RHBG: variants seen among roughly 807,000 people sequenced by gnomAD.
The protein encoded by RHBG is ammonium transporter Rh type B.
Under a neutral mutation model 40.1 loss-of-function variants are expected in RHBG, and 39 were observed. The ratio of observed to expected loss-of-function variants is 0.97; its 90% CI spans 0.75 to 1.27. RHBG has a LOEUF of 1.27. Among genes scored for constraint, RHBG ranks in the 50% most tolerant of loss-of-function variants. RHBG has a pLI of 0.00. For missense variants in RHBG, 549 were observed against 588.1 expected, an observed-to-expected ratio of 0.93 and a Z score of 0.69; for synonymous variants, 237 against 252.5, an observed-to-expected ratio of 0.94 and a Z score of 0.58.
At chr1:156,384,462 G>A (rs1461736910) in intron 8 of RHBG, 65 bp from the exon 9 acceptor site, 2 of 1,481,134 alleles carry the variant, frequency 1.4e-6, no homozygotes, top group African/African-American at 1.4e-5. Context: ...CTGTGGCACT[G>A]GGTGGCACCC....
chr1:156,381,259 G>C, intron 4 of RHBG, 88 bp from the exon 5 acceptor site: 1 of 1,337,372 alleles, frequency 7.5e-7, no homozygotes, highest in Non-Finnish European at 1.1e-6. Context: ...GCTGCTGAGG[G>C]TAGGTGATTT....
chr1:156,384,725 C>T, intron 9 of RHBG, 52 bp from the exon 10 acceptor site: 2 of 1,590,694 alleles, frequency 1.3e-6, no homozygotes, highest in Non-Finnish European at 1.7e-6. Flanking sequence ...TGAACTGTGG[C>T]TTCCAGGCTC....
intron 4 of RHBG, among the ~76,000 whole-genome samples, chr1:156,380,909 A>G (rs1667579149): frequency 6.6e-6 from 1 of 151,644 alleles, no homozygotes; most frequent in African/African-American, 2.4e-5. Flanking sequence ...TATTATTATT[A>G]TTATTATTGA....
chr1:156,374,560 C>T (rs759332352), intron 1 of RHBG: 77 of 440,844 alleles, frequency 1.7e-4, no homozygotes, highest in Middle Eastern at 7.1e-4. Context: ...CCAGTTCCAT[C>T]CATGTTGCCA....
In RHBG at chr1:156,382,771, T is replaced by C. The variant is rs769518777; in HGVS notation, c.1136T>C (p.Ile379Thr). The change falls in exon 8 of 10, where the codon ATA becomes ACA. Residue 379 changes from isoleucine (I) to threonine (T), a missense_variant. Physicochemically the swap from Ile to Thr is moderately conservative, Grantham distance 89 (BLOSUM62 -1). This residue lies in a region of RHBG where 399 missense variants were observed against 417.0 expected (regional missense o/e 0.96). Coordinates refer to ENST00000537040, the MANE Select transcript of RHBG (RefSeq NM_020407.5). ...GDGLESVFPL[I>T]AEGQRSATSQ... ...AGCCTGGAGAGTGTGTTTCCACTCA[T>C]AGCCGAGGGCCAGCGCAGTGCCACG... is the stretch of plus-strand genomic sequence containing the variant. 1.1e-4 allele frequency: 171 copies of C among 1,614,216 alleles called. No individual in the cohort carries two copies. The highest frequency in any genetic ancestry group is 1.2e-4 in the Non-Finnish European group (144 of 1,180,032).
chr1:156,380,308 G>A (rs1230897182), intron 4 of RHBG, among the ~76,000 whole-genome samples: 1 of 151,786 alleles, frequency 6.6e-6, no homozygotes, highest in Non-Finnish European at 1.5e-5. Flanking sequence ...CACCATGTTG[G>A]TTAGGCTGGT....
chr1:156,382,299 CA>C (rs755062354), intron 7 of RHBG, 98 bp downstream of exon 7: 2 of 1,537,716 alleles, frequency 1.3e-6, no homozygotes, highest in East Asian at 4.5e-5. Context: ...AGAATGAATT[CA>C]TTCATTCATC....
In RHBG at chr1:156,382,220, C is replaced by T. The variant is rs758200563; in HGVS notation, c.1112+19C>T. ...GAGATGGGTGAGTTTCCTCCCAACCCGTACTGCAGTCGTCATCCATCTGGA... is the reference window on the plus strand; with the variant it reads ...GAGATGGGTGAGTTTCCTCCCAACCTGTACTGCAGTCGTCATCCATCTGGA... On this transcript the variant is annotated intron_variant, in intron 7 of 9. Coordinates refer to ENST00000537040, the MANE Select transcript of RHBG (RefSeq NM_020407.5). 7 of 1,614,074 alleles carry T rather than the reference C, an allele frequency of 4.3e-6. No individual in the cohort carries two copies. Among genetic ancestry groups the T allele is most frequent in the East Asian group, 4.5e-5 (2 of 44,880 alleles).
In RHBG at chr1:156,377,906, G is replaced by T; in HGVS notation, c.375-84G>T. 1.0e-3 allele frequency: 795 copies of T among 768,606 alleles called. No individual in the cohort carries two copies. Among genetic ancestry groups the T allele is most frequent in the Non-Finnish European group, 1.5e-3 (712 of 480,020 alleles). The allele number at this position is 768,606 out of a possible 1,614,324, so 47.6% of individuals were successfully genotyped here. On this transcript the variant is annotated intron_variant, in intron 2 of 9. Coordinates refer to ENST00000537040, the MANE Select transcript of RHBG (RefSeq NM_020407.5). This position sits in a 1 kb window ranked among gnomAD's most constrained non-coding sequence, Gnocchi z 4.6. ...AACCCCACCCCACCCACCACATCAT[G>T]CTGTCCTGGCTTCATGCCAGGCAGG... is the stretch of plus-strand genomic sequence containing the variant.
chr1:156,384,526 G>T lies in RHBG; in HGVS notation c.1235-1G>T. ...CACAGATCCTCCCCTACCACCACCA[G>T]GGCTCCTGCTGAAGCTACCCTTTCT... On this transcript the variant is annotated splice_acceptor_variant, in intron 8 of 9. Transcript: ENST00000537040. LOFTEE classifies it high-confidence loss of function. 1 of 1,611,010 alleles carries T rather than the reference G, an allele frequency of 6.2e-7. No individual in the cohort carries two copies. Among genetic ancestry groups the T allele is most frequent in the African/African-American group, 1.3e-5 (1 of 74,538 alleles).
At chr1:156,374,504 C>A (rs553840783) in intron 1 of RHBG, 1 of 361,102 alleles carries the variant, frequency 2.8e-6, no homozygotes, top group Non-Finnish European at 5.3e-6. Flanking sequence ...TGAGAACATG[C>A]GGTGTTTAAC....
intron 8 of RHBG, among the ~76,000 whole-genome samples, chr1:156,383,828 A>ATTTTT (rs58771195): frequency 2.0e-5 from 2 of 101,830 alleles, no homozygotes; most frequent in Non-Finnish European, 1.8e-5. Flanking sequence ...CGCCCGGCCT[A>ATTTTT]TTTTTTTTTT....
chr1:156,383,092 G>A lies in RHBG; in HGVS notation c.1234+223G>A, dbSNP rs577481943. Among the ~76,000 whole-genome samples the A allele has an allele frequency of 1.1e-3, 161 of 152,244 alleles. 1 individual carries two copies. The highest frequency in any genetic ancestry group is 1.8e-3 in the Non-Finnish European group (125 of 68,016). On this transcript the variant is annotated intron_variant, in intron 8 of 9. Coordinates refer to ENST00000537040, the MANE Select transcript of RHBG (RefSeq NM_020407.5). Reference sequence around the variant, plus strand: ...GCTGGGGAGTCCGCGAGGGGTGAGCGAGGCCCTCTCTTATGGGTCTATGCT... The same window carrying A: ...GCTGGGGAGTCCGCGAGGGGTGAGCAAGGCCCTCTCTTATGGGTCTATGCT...
At chr1:156,379,299 A>G (rs1667453863) in intron 4 of RHBG, among the ~76,000 whole-genome samples, 1 of 152,038 alleles carries the variant, frequency 6.6e-6, no homozygotes, top group East Asian at 1.9e-4. Flanking sequence ...CCCGGCTACC[A>G]CCACCTGCTT....
rs1215351070 is a variant in RHBG at position 156,385,078 on chromosome 1, C to T, written c.*233C>T. The T allele has an allele frequency of 2.1e-6, 1 of 479,794 alleles. No homozygotes were observed. The allele number at this position is 479,794 out of a possible 1,614,324, so 29.7% of individuals were successfully genotyped here. On this transcript the variant is annotated 3_prime_UTR_variant, in exon 10 of 10. Transcript: ENST00000537040. ...AATAGGGGGAACCTCACCAGATGCC[C>T]AACCCGACTGCCCTACCAGCCTGCA...
chr1:156,379,203 C>T (rs2101789380), intron 4 of RHBG, among the ~76,000 whole-genome samples: 3 of 152,038 alleles, frequency 2.0e-5, no homozygotes, highest in Middle Eastern at 6.8e-3. Flanking sequence ...ACCATGTTGG[C>T]CAGGCTGGTC....
At position 156,369,258 on chromosome 1, in the gene RHBG, G is replaced by C. The variant is rs759964135; in HGVS notation, c.9G>C (p.Gly3=). The change falls in exon 1 of 10, where the codon GGG becomes GGC. Residue 3 remains glycine, a synonymous_variant. Transcript: ENST00000537040. MA[G]SPSRAAGRRL... ...AGATCGCAGCCCAACCCATGGCCGGGTCTCCTAGCCGCGCCGCGGGCCGGC... is the reference window on the plus strand; with the variant it reads ...AGATCGCAGCCCAACCCATGGCCGGCTCTCCTAGCCGCGCCGCGGGCCGGC... 21 of 1,612,804 alleles carry C rather than the reference G, an allele frequency of 1.3e-5. No individual in the cohort carries two copies. The highest frequency in any genetic ancestry group is 2.7e-5 in the African/African-American group (2 of 74,908).
chr1:156,374,469 C>CT (rs139795887), intron 1 of RHBG: 19,991 of 299,278 alleles, frequency 0.067, 843 homozygotes, highest in African/African-American at 0.12. Context: ...ATGAGAGCAA[C>CT]TTTTTTTTAG....
Position 156,377,516 on chromosome 1 carries a change from C to T in RHBG, c.374+29C>T. On this transcript the variant is annotated intron_variant, in intron 2 of 9. Transcript: ENST00000537040. This position sits in a 1 kb window ranked among gnomAD's most constrained non-coding sequence, Gnocchi z 4.6. ...GGCAGCCGCCACCCACCCAGCTCCC[C>T]AAGGTTCACTCGGGAGGCCCCTGCC... 6.3e-7 allele frequency: 1 copy of T among 1,592,806 alleles called. No individual in the cohort carries two copies. The highest frequency in any genetic ancestry group is 2.3e-5 in the East Asian group (1 of 44,312).
Sources: gnomAD v4.1 joint callset for allele counts (sites outside exome capture counted in the v4.1 genomes callset) on GRCh38, gnomAD v4.1.1 for gene constraint, gnomAD v4.1.1 regional missense constraint, Gnocchi (gnomAD v3.1) non-coding constraint, MANE v1.5 for transcripts, NCBI Gene and HGNC (gene_info 2026-07-23, HGNC 2026-07-21) for gene names.